TMPRSS7: variants seen among roughly 807,000 people sequenced by gnomAD.
TMPRSS7 encodes transmembrane serine protease 7.
Under a neutral mutation model 95.6 loss-of-function variants are expected in TMPRSS7, and 81 were observed. That is an observed-to-expected ratio of 0.85 (90% confidence interval 0.71 to 1.02). The LOEUF is 1.02. Among genes scored for constraint, TMPRSS7 ranks in the 50% least tolerant of loss-of-function variants. The pLI, the probability that TMPRSS7 is intolerant of heterozygous loss-of-function variation, is 0.00. For missense variants in TMPRSS7, 945 were observed against 955.2 expected, an observed-to-expected ratio of 0.99 and a Z score of 0.14; for synonymous variants, 364 against 337.8, an observed-to-expected ratio of 1.08 and a Z score of -0.85.
chr3:112,060,296 T>A (rs528361103), intron 10 of TMPRSS7, among the ~76,000 whole-genome samples: 6 of 152,180 alleles, frequency 3.9e-5, no homozygotes, highest in Non-Finnish European at 7.3e-5. Flanking sequence ...TTGTCATTGA[T>A]AACATCTTAT....
At chr3:112,045,593 G>A (rs938827797) in intron 4 of TMPRSS7, among the ~76,000 whole-genome samples, 157 bp from the exon 5 acceptor site, 13 of 152,328 alleles carry the variant, frequency 8.5e-5, no homozygotes, top group African/African-American at 2.9e-4. Flanking sequence ...GCTGTCCTTT[G>A]CCAATCTTCA....
chr3:112,055,747 C>T (rs1347578145), intron 9 of TMPRSS7, among the ~76,000 whole-genome samples: 1 of 152,036 alleles, frequency 6.6e-6, no homozygotes, highest in African/African-American at 2.4e-5. Flanking sequence ...ATCAGGGCAA[C>T]GATACCCCTG....
At chr3:112,070,841 A>C (rs541845878) in intron 13 of TMPRSS7, among the ~76,000 whole-genome samples, 1 of 152,230 alleles carries the variant, frequency 6.6e-6, no homozygotes, top group Admixed American at 6.5e-5. Flanking sequence ...GGTTTGTTAC[A>C]TATGTATACA....
chr3:112,056,311 C>T (rs1471350814), intron 9 of TMPRSS7, among the ~76,000 whole-genome samples: 1 of 152,072 alleles, frequency 6.6e-6, no homozygotes, highest in Non-Finnish European at 1.5e-5. Context: ...AATTAGAAAG[C>T]TTAAAAATGG....
rs1044801482 is a variant in TMPRSS7, at chr3:112,051,547, CTATCT to C, written c.1203+765_1203+769del. On this transcript the variant is annotated intron_variant, in intron 9 of 17. Transcript: ENST00000452346. ...TCTATCTATCTATCTATCTATCTAT[CTATCT>C]ATCTATCTATCTATGTATCTATCTA... Among the ~76,000 whole-genome samples the C allele has an allele frequency of 4.0e-5, 6 of 150,942 alleles. No homozygotes were observed. The East Asian group carries it at 1.2e-3, about 29-fold the overall frequency.
At chr3:112,054,958 C>T (rs374065201) in intron 9 of TMPRSS7, among the ~76,000 whole-genome samples, 123 of 152,034 alleles carry the variant, frequency 8.1e-4, no homozygotes, top group African/African-American at 2.5e-3. Context: ...CCTGGATGGT[C>T]TCGATCTCCT....
chr3:112,078,710 A>G, intron 16 of TMPRSS7, 32 bp from the exon 17 acceptor site: 2 of 1,613,300 alleles, frequency 1.2e-6, no homozygotes, highest in Non-Finnish European at 8.5e-7. Context: ...CATTACCACT[A>G]ACATCATTTC....
At chr3:112,035,760 A>G (rs1482511449) in intron 1 of TMPRSS7, among the ~76,000 whole-genome samples, 1 of 152,248 alleles carries the variant, frequency 6.6e-6, no homozygotes, top group Non-Finnish European at 1.5e-5. Flanking sequence ...ACAGCATCAA[A>G]TAGCAGAGGG....
At chr3:112,041,865 C>A (rs563984446) in intron 2 of TMPRSS7, 55 bp from the exon 3 acceptor site, 2 of 1,202,194 alleles carry the variant, frequency 1.7e-6, no homozygotes, top group South Asian at 2.6e-5. Flanking sequence ...CAGACAATTC[C>A]TTACTGCCAC....
intron 12 of TMPRSS7, among the ~76,000 whole-genome samples, chr3:112,063,927 C>G (rs1359799532): frequency 6.6e-6 from 1 of 152,100 alleles, no homozygotes; most frequent in Admixed American, 6.6e-5. Context: ...TGGCTCTTTT[C>G]CTCATTGAGC....
chr3:112,042,494 AG>A (rs2073222723), intron 3 of TMPRSS7, among the ~76,000 whole-genome samples: 1 of 152,248 alleles, frequency 6.6e-6, no homozygotes, highest in Admixed American at 6.5e-5. Flanking sequence ...AGCAAAATTC[AG>A]ATGATTATGT....
chr3:112,050,313 G>C (rs2073329335), intron 8 of TMPRSS7, among the ~76,000 whole-genome samples: 1 of 152,122 alleles, frequency 6.6e-6, no homozygotes, highest in Non-Finnish European at 1.5e-5. Flanking sequence ...TTAGAGCTTA[G>C]AGGAGGGAAT....
At chr3:112,036,229 G>A (rs2073149167) in intron 1 of TMPRSS7, among the ~76,000 whole-genome samples, 2 of 152,138 alleles carry the variant, frequency 1.3e-5, no homozygotes, top group Admixed American at 1.3e-4. Context: ...AATTGATTGT[G>A]AGAGAAAAAC....
At chr3:112,038,522 G>C (rs540187894) in intron 2 of TMPRSS7, among the ~76,000 whole-genome samples, 11 of 152,192 alleles carry the variant, frequency 7.2e-5, no homozygotes, top group African/African-American at 2.7e-4. Flanking sequence ...CCAGGCTGGA[G>C]TGTAGTGGCA....
At chr3:112,064,839 G>C (rs2073554623) in intron 12 of TMPRSS7, among the ~76,000 whole-genome samples, 1 of 152,042 alleles carries the variant, frequency 6.6e-6, no homozygotes, top group Non-Finnish European at 1.5e-5. Flanking sequence ...TAGTTTCAGG[G>C]AGCAATATGG....
At chr3:112,049,899 T>C in exon 8 of TMPRSS7, 2 of 1,561,364 alleles carry the variant, frequency 1.3e-6, no homozygotes, top group Non-Finnish European at 1.8e-6. Context: ...TAATCTCATG[T>C]TGGTGACATT....
At chr3:112,073,349 C>A (rs1339511249) in intron 13 of TMPRSS7, among the ~76,000 whole-genome samples, 1 of 152,148 alleles carries the variant, frequency 6.6e-6, no homozygotes, top group Non-Finnish European at 1.5e-5. Flanking sequence ...CCGCCTCAGC[C>A]TCCCAAAGTG....
exon 10 of TMPRSS7, chr3:112,057,029 C>T: frequency 6.3e-7 from 1 of 1,599,186 alleles, no homozygotes; most frequent in South Asian, 1.1e-5. Flanking sequence ...TCACAGACTT[C>T]TCTATCAACT....
intron 1 of TMPRSS7, among the ~76,000 whole-genome samples, chr3:112,037,527 C>T (rs1403188500): frequency 2.0e-5 from 3 of 152,142 alleles, no homozygotes; most frequent in Non-Finnish European, 4.4e-5. Flanking sequence ...GCTAGTTTCA[C>T]CCTGACCTTG....
Sources: gnomAD v4.1 joint callset for allele counts (sites outside exome capture counted in the v4.1 genomes callset) on GRCh38, gnomAD v4.1.1 for gene constraint, MANE v1.5 for transcripts, NCBI Gene and HGNC (gene_info 2026-07-23, HGNC 2026-07-21) for gene names.